The following NUTM2F variants were observed in gnomAD, a reference collection of about 807,000 sequenced individuals.
NUTM2F encodes the protein family with sequence similarity 22, member F.
A neutral mutation model predicts 43.3 loss-of-function variants in NUTM2F; 22 were observed. That is an observed-to-expected ratio of 0.51 (90% CI 0.36 to 0.73). The LOEUF (loss-of-function observed/expected upper bound fraction) is 0.73. NUTM2F is among the 30% of genes least tolerant of loss of function. NUTM2F has a pLI of 0.00. For synonymous variants in NUTM2F, 202 were observed against 389.0 expected, an observed-to-expected ratio of 0.52 and a Z score of 5.66; for missense variants, 488 against 927.4, an observed-to-expected ratio of 0.53 and a Z score of 6.15.
Position 94,320,205 on chromosome 9 carries a change from C to T in NUTM2F, c.1368+3G>A, listed in dbSNP as rs778487742. On this transcript the variant is annotated splice_donor_region_variant and intron_variant, in intron 5 of 6. Coordinates refer to ENST00000253262, the MANE Select transcript of NUTM2F (RefSeq NM_017561.2). This position sits in a 1 kb window ranked among gnomAD's most constrained non-coding sequence, Gnocchi z 4.5. Reference sequence around the variant, plus strand: ...CAGACCACAGCACTCCAGGCAAGCCCACCTTGGTGACAAAGTCTTCCTGGG... The same window carrying T: ...CAGACCACAGCACTCCAGGCAAGCCTACCTTGGTGACAAAGTCTTCCTGGG... 1.9e-6 allele frequency: 3 copies of T among 1,613,034 alleles called. No individual in the cohort carries two copies. The East Asian group carries it at 6.7e-5, about 36-fold the overall frequency.
Position 94,318,984 on chromosome 9 carries a change from G to A in NUTM2F, c.1752C>T (p.Ser584=). ...DPAVLLGCQD[S]PRLKAVRPTS... ...TTGGCCGGACAGCCTTCAGCCTGGG[G>A]GAATCCTGACATCCCAAAAGCACAG... is the stretch of plus-strand genomic sequence containing the variant. Residue 584 remains serine (S), a synonymous_variant, in exon 7 of 7, where the codon TCC becomes TCT. Transcript: ENST00000253262. 6.2e-7 allele frequency: 1 copy of A among 1,611,244 alleles called. No homozygotes were observed.
Position 94,325,793 on chromosome 9 carries a change from G to C in NUTM2F, c.158C>G (p.Pro53Arg), listed in dbSNP as rs767682956. Residue 53 changes from proline (P) to arginine (R), a missense_variant, in exon 2 of 7, where the codon CCT (proline) becomes CGT (arginine). By Grantham distance (103) the Pro-to-Arg change is moderately radical. Transcript: ENST00000253262. ...GCTGGGGAAGGCAGAGAGCACCAGA[G>C]GGCCGGCTGGAGGAACCACTGCAGT... ...LVTAVVPPAG[P>R]LVLSAFPSTP... is the part of the protein sequence containing the mutation. 1.9e-4 allele frequency: 308 copies of C among 1,612,062 alleles called. No homozygotes were observed. The highest frequency in any genetic ancestry group is 2.0e-4 in the Non-Finnish European group (234 of 1,179,870).
intron 3 of NUTM2F, among the ~76,000 whole-genome samples, chr9:94,321,715 G>A (rs1490054034): frequency 1.4e-5 from 2 of 145,452 alleles, no homozygotes; most frequent in Non-Finnish European, 3.0e-5. Flanking sequence ...TGTCTTCACG[G>A]ACGGTTCTGC....
At position 94,325,608 on chromosome 9, in the gene NUTM2F, G is replaced by A; in HGVS notation, c.343C>T (p.Leu115Phe). ...APLVWQAPGTLCGGVMCPPPL... is the reference protein window; with the variant it reads ...APLVWQAPGTFCGGVMCPPPL... ...GGTGGACACATGACACCTCCACAGA[G>A]GGTGCCTGGAGCCTGCCAGACGAGG... The change falls in exon 2 of 7, where the codon CTC becomes TTC. Residue 115 changes from leucine to phenylalanine, a missense_variant. Transcript: ENST00000253262. The A allele has an allele frequency of 6.3e-7, 1 of 1,599,492 alleles. No individual in the cohort carries two copies. The highest frequency in any genetic ancestry group is 8.5e-7 in the Non-Finnish European group (1 of 1,175,120).
Position 94,323,696 on chromosome 9 carries a change from T to G in NUTM2F, c.714-1367A>C, listed in dbSNP as rs145907840. Among the ~76,000 whole-genome samples the G allele has an allele frequency of 4.6e-5, 7 of 152,308 alleles. No individual in the cohort carries two copies. The East Asian group carries it at 1.4e-3, about 29-fold the overall frequency. On this transcript the variant is annotated intron_variant, in intron 2 of 6. Transcript: ENST00000253262. ...GTATGTCATATGTGAGCTCAGGTCA[T>G]CTCTTTGCCATCCTCTGAATGAAAC...
At chr9:94,326,601 T>C (rs1831454772) in intron 1 of NUTM2F, among the ~76,000 whole-genome samples, 2 of 151,686 alleles carry the variant, frequency 1.3e-5, no homozygotes, top group South Asian at 4.2e-4. Flanking sequence ...AATACAAAAA[T>C]TAGCTGATGG....
At chr9:94,327,295 G>T (rs1257283800) in intron 1 of NUTM2F, among the ~76,000 whole-genome samples, 1 of 151,730 alleles carries the variant, frequency 6.6e-6, no homozygotes, top group Non-Finnish European at 1.5e-5. Flanking sequence ...GTAGAGACGG[G>T]GTTTCACCAT....
At chr9:94,324,029 G>A (rs749050978) in intron 2 of NUTM2F, among the ~76,000 whole-genome samples, 3 of 152,166 alleles carry the variant, frequency 2.0e-5, no homozygotes, top group Non-Finnish European at 4.4e-5. Flanking sequence ...TAGCACTTTG[G>A]GAGGCTGAGG....
chr9:94,323,173 G>A (rs1035687494), intron 2 of NUTM2F, among the ~76,000 whole-genome samples: 1 of 152,060 alleles, frequency 6.6e-6, no homozygotes, highest in Non-Finnish European at 1.5e-5. Flanking sequence ...GCAAAGGCCT[G>A]TGAGCCCGGG....
chr9:94,320,355 C>A lies in NUTM2F; in HGVS notation c.1221G>T (p.Gly407=), dbSNP rs1831342736. The change falls in exon 5 of 7, where the codon GGG becomes GGT. Residue 407 remains glycine (G), a synonymous_variant. Coordinates refer to ENST00000253262, the MANE Select transcript of NUTM2F (RefSeq NM_017561.2). The surrounding 1 kb of genome is among the most constrained non-coding windows in gnomAD (Gnocchi z 4.5). The part of the protein sequence containing the change: ...EYVDIMEELL[G]SHPGDTGEPE... ...GCTCCCCTGTGTCCCCAGGGTGAGA[C>A]CCCAGCAGCTCCTCCATGATGTCCA... 1 of 1,613,452 alleles carries A rather than the reference C, an allele frequency of 6.2e-7. No individual in the cohort carries two copies. The highest frequency in any genetic ancestry group is 8.5e-7 in the Non-Finnish European group (1 of 1,179,828).
At position 94,321,170 on chromosome 9, in the gene NUTM2F, G is replaced by A; in HGVS notation, c.905C>T (p.Pro302Leu). The change falls in exon 4 of 7, where the codon CCC becomes CTC. Residue 302 changes from proline (P) to leucine (L), a missense_variant. Transcript: ENST00000253262. ...CGGGGCTGGAGGAGGCAGGCTCTGG[G>A]GCCCCTTCATCCACTGCGATTTCTG... ...QIQKSQWMKG[P>L]QSLPPPAPPR... The A allele has an allele frequency of 1.3e-6, 2 of 1,555,200 alleles. No individual in the cohort carries two copies. The highest frequency in any genetic ancestry group is 1.7e-6 in the Non-Finnish European group (2 of 1,158,102).
rs757002506 is a variant in NUTM2F at position 94,322,353 on chromosome 9, C to T, written c.714-24G>A. ...GGCTGTAAACCAGTGCAGTCAGTCC[C>T]AGTCTGTAAGCCCACCCTCCATCCC... On this transcript the variant is annotated intron_variant, in intron 2 of 6. Coordinates refer to ENST00000253262, the MANE Select transcript of NUTM2F (RefSeq NM_017561.2). 15 of 1,611,604 alleles carry T rather than the reference C, an allele frequency of 9.3e-6. No individual in the cohort carries two copies. In the African/African-American group the frequency reaches 1.3e-4, roughly 14 times the overall value.
chr9:94,323,210 C>T (rs1159200445), intron 2 of NUTM2F, among the ~76,000 whole-genome samples: 2 of 151,868 alleles, frequency 1.3e-5, no homozygotes, highest in South Asian at 4.1e-4. Flanking sequence ...AATCAGGGTC[C>T]CCAGTGCACC....
At chr9:94,322,373 C>T in intron 2 of NUTM2F, 44 bp from the exon 3 acceptor site, 4 of 1,610,874 alleles carry the variant, frequency 2.5e-6, no homozygotes, top group South Asian at 2.2e-5. Flanking sequence ...GCCCACCCTC[C>T]ATCCCGGGCC....
At chr9:94,324,698 G>T (rs965970398) in intron 2 of NUTM2F, among the ~76,000 whole-genome samples, 4 of 144,592 alleles carry the variant, frequency 2.8e-5, no homozygotes, top group African/African-American at 7.8e-5. Context: ...AGAAAAGAAA[G>T]TAAGTATTGG....
chr9:94,321,336 G>A (rs1453226155), intron 3 of NUTM2F, 104 bp from the exon 4 acceptor site: 47 of 1,518,948 alleles, frequency 3.1e-5, no homozygotes, highest in Non-Finnish European at 4.0e-5. Flanking sequence ...GCCTCCGGCG[G>A]GCTGTCCAGG....
At position 94,320,421 on chromosome 9, in the gene NUTM2F, C is replaced by T. The variant is rs1564101255; in HGVS notation, c.1155G>A (p.Lys385=). 1 of 1,612,260 alleles carries T rather than the reference C, an allele frequency of 6.2e-7. No homozygotes were observed. Among genetic ancestry groups the T allele is most frequent in the East Asian group, 2.2e-5 (1 of 44,776 alleles). The change falls in exon 5 of 7, where the codon AAG becomes AAA. Residue 385 remains lysine, a synonymous_variant. Coordinates refer to ENST00000253262, the MANE Select transcript of NUTM2F (RefSeq NM_017561.2). The surrounding 1 kb of genome is among the most constrained non-coding windows in gnomAD (Gnocchi z 4.5). ...PPRPQRPAET[K]VPEEIPPEVV... is the part of the protein sequence containing the mutation. ...CTTCAGGGGGGATCTCCTCAGGGAC[C>T]TTGGTCTCCGCTGGCCTCTGGGGCC...
intron 2 of NUTM2F, among the ~76,000 whole-genome samples, chr9:94,323,634 T>A (rs1831407790): frequency 6.6e-6 from 1 of 152,176 alleles, no homozygotes; most frequent in Non-Finnish European, 1.5e-5. Context: ...ACTGCTGTCA[T>A]GTAATGTGTC....
At chr9:94,323,936 A>T (rs1831415800) in intron 2 of NUTM2F, among the ~76,000 whole-genome samples, 1 of 152,072 alleles carries the variant, frequency 6.6e-6, no homozygotes, top group Admixed American at 6.6e-5. Context: ...CTGGCCATTG[A>T]CACTCAGTTC....
Sources: allele counts gnomAD v4.1 joint callset (sites outside exome capture counted in the v4.1 genomes callset), GRCh38; gene constraint gnomAD v4.1.1; non-coding constraint Gnocchi (gnomAD v3.1); transcripts MANE v1.5; gene names NCBI Gene and HGNC (gene_info 2026-07-23, HGNC 2026-07-21).